DACH1: variants seen among roughly 807,000 people sequenced by gnomAD.
DACH1 encodes dachshund homolog 1.
A neutral mutation model predicts 54.2 loss-of-function variants in DACH1; 12 were observed. The observed-to-expected ratio is 0.22, with a 90% CI of 0.14 to 0.36. The LOEUF (loss-of-function observed/expected upper bound fraction) is 0.36, where lower values mean the gene tolerates loss of function less well. Among genes scored for constraint, DACH1 ranks in the 10% least tolerant of loss-of-function variants. DACH1 has a pLI of 1.00. For missense variants in DACH1, 805 were observed against 929.8 expected (o/e 0.87, Z 1.75); for synonymous variants, 386 against 366.2 (o/e 1.05, Z -0.62).
At chr13:71,679,794 C>G (rs964067921) in intron 2 of DACH1, among the ~76,000 whole-genome samples, 6 of 151,906 alleles carry the variant, frequency 3.9e-5, no homozygotes, top group African/African-American at 1.5e-4. Flanking sequence ...ACCATCCTGG[C>G]CAACATGGTG....
intron 2 of DACH1, among the ~76,000 whole-genome samples, chr13:71,633,289 T>TAAAATAA (rs1205842238): frequency 1.3e-5 from 2 of 152,128 alleles, no homozygotes; most frequent in African/African-American, 4.8e-5. Context: ...TAAGGATAAA[T>TAAAATAA]AAAATAAACT....
chr13:71,562,696 C>T (rs1417439274), intron 4 of DACH1, among the ~76,000 whole-genome samples: 1 of 152,028 alleles, frequency 6.6e-6, no homozygotes, highest in African/African-American at 2.4e-5. Context: ...TTTTAAAAAA[C>T]AAACATGTAT....
chr13:71,716,243 G>A (rs1165159030), intron 1 of DACH1, among the ~76,000 whole-genome samples: 3 of 151,872 alleles, frequency 2.0e-5, no homozygotes, highest in Non-Finnish European at 4.4e-5. Context: ...CATTGCTCCT[G>A]CCTTCTCTCA....
intron 1 of DACH1, among the ~76,000 whole-genome samples, chr13:71,706,801 T>C (rs1882472383): frequency 6.6e-6 from 1 of 152,224 alleles, no homozygotes; most frequent in Non-Finnish European, 1.5e-5. Flanking sequence ...AAGTTAATAC[T>C]GTATGTCCTA....
At chr13:71,571,095 T>G (rs1050302624) in intron 4 of DACH1, among the ~76,000 whole-genome samples, 5 of 152,162 alleles carry the variant, frequency 3.3e-5, no homozygotes, top group African/African-American at 9.7e-5. Context: ...CTGTAATATG[T>G]TTGCCTTATT....
At chr13:71,530,456 A>T (rs1352630266) in intron 6 of DACH1, among the ~76,000 whole-genome samples, 6 of 141,416 alleles carry the variant, frequency 4.2e-5, no homozygotes, top group African/African-American at 1.5e-4. Flanking sequence ...CACTAATTTA[A>T]AAAAAAAAGT....
At chr13:71,568,138 A>T (rs1316563120) in intron 4 of DACH1, among the ~76,000 whole-genome samples, 1 of 152,030 alleles carries the variant, frequency 6.6e-6, no homozygotes, top group Non-Finnish European at 1.5e-5. Flanking sequence ...GGATGTTAAT[A>T]CTCCAAAGTA....
intron 6 of DACH1, among the ~76,000 whole-genome samples, chr13:71,543,490 A>T (rs1883268546): frequency 6.6e-6 from 1 of 152,120 alleles, no homozygotes; most frequent in South Asian, 2.1e-4. Context: ...TAATGTTTCT[A>T]TTACTATGAT....
At chr13:71,773,526 C>G (rs1311763150) in intron 1 of DACH1, among the ~76,000 whole-genome samples, 1 of 151,932 alleles carries the variant, frequency 6.6e-6, no homozygotes, top group Non-Finnish European at 1.5e-5. Context: ...AACCAAAGCA[C>G]CAATTTTTGG....
intron 10 of DACH1, among the ~76,000 whole-genome samples, chr13:71,465,182 T>C (rs1447065822): frequency 1.3e-5 from 2 of 152,132 alleles, no homozygotes; most frequent in African/African-American, 4.8e-5. Flanking sequence ...TCAAAGAGTT[T>C]ATATGCTTAG....
At chr13:71,781,217 C>A (rs1439148026) in intron 1 of DACH1, among the ~76,000 whole-genome samples, 2 of 152,006 alleles carry the variant, frequency 1.3e-5, no homozygotes, top group Non-Finnish European at 2.9e-5. Flanking sequence ...CCTCAAGAAC[C>A]AGGCAGGGAA....
intron 3 of DACH1, among the ~76,000 whole-genome samples, chr13:71,581,707 G>T (rs942989499): frequency 2.6e-5 from 4 of 151,996 alleles, no homozygotes; most frequent in African/African-American, 9.7e-5. Context: ...TCAGCATCTA[G>T]ATTAACAATT....
intron 8 of DACH1, 58 bp downstream of exon 8, chr13:71,479,109 AGT>A: frequency 7.1e-7 from 1 of 1,402,166 alleles, no homozygotes; most frequent in Non-Finnish European, 9.6e-7. Flanking sequence ...TCACCATCAT[AGT>A]ATTAATATGT....
chr13:71,457,788 T>G (rs1875714257), intron 10 of DACH1, among the ~76,000 whole-genome samples: 1 of 151,978 alleles, frequency 6.6e-6, no homozygotes, highest in Admixed American at 6.6e-5. Flanking sequence ...TAAGAGATTT[T>G]TGTCAGCTTC....
At chr13:71,486,796 T>TC (rs1878542819) in intron 7 of DACH1, among the ~76,000 whole-genome samples, 1 of 19,878 alleles carries the variant, frequency 5.0e-5, no homozygotes, top group African/African-American at 7.0e-5. Context: ...CTAAATTAAT[T>TC]AATTTATTTA....
At chr13:71,837,065 G>C (rs1190232716) in intron 1 of DACH1, among the ~76,000 whole-genome samples, 1 of 151,806 alleles carries the variant, frequency 6.6e-6, no homozygotes, top group Non-Finnish European at 1.5e-5. Flanking sequence ...TAACAGGAGA[G>C]AGTAACAATG....
intron 1 of DACH1, among the ~76,000 whole-genome samples, chr13:71,784,552 GC>G (rs1886514123): frequency 1.3e-5 from 2 of 151,924 alleles, no homozygotes; most frequent in Admixed American, 1.3e-4. Context: ...ACAAACTGGG[GC>G]TTATCTATCA....
intron 6 of DACH1, among the ~76,000 whole-genome samples, chr13:71,552,576 C>A: frequency 6.6e-6 from 1 of 151,138 alleles, no homozygotes; most frequent in Non-Finnish European, 1.5e-5. Context: ...CGTCAGTGGA[C>A]AAATGTGTGG....
At chr13:71,822,970 A>G (rs1213957392) in intron 1 of DACH1, among the ~76,000 whole-genome samples, 1 of 152,178 alleles carries the variant, frequency 6.6e-6, no homozygotes, top group African/African-American at 2.4e-5. Flanking sequence ...CTTCACAGCT[A>G]TTAAAATTCA....
Sources: gnomAD v4.1 joint callset for allele counts (sites outside exome capture counted in the v4.1 genomes callset) on GRCh38, gnomAD v4.1.1 for gene constraint, MANE v1.5 for transcripts, NCBI Gene and HGNC (gene_info 2026-07-23, HGNC 2026-07-21) for gene names.